Variants in TAFA5 observed in about 807,000 individuals in gnomAD.
The protein encoded by TAFA5 is TAFA chemokine like family member 5.
Under a neutral mutation model 15.3 loss-of-function variants are expected in TAFA5, and 6 were observed. The ratio of observed to expected loss-of-function variants is 0.39; its 90% CI spans 0.21 to 0.77. The LOEUF (loss-of-function observed/expected upper bound fraction) is 0.77, where lower values mean the gene tolerates loss of function less well. Ranked by LOEUF, TAFA5 falls within the 30% of genes least tolerant of loss-of-function variation. The pLI is 0.41. For synonymous variants in TAFA5, 103 were observed against 80.7 expected (o/e 1.28, Z -1.48); for missense variants, 161 against 193.1 (o/e 0.83, Z 0.98).
intron 3 of TAFA5, among the ~76,000 whole-genome samples, chr22:48,744,262 G>A (rs148959378): frequency 4.1e-4 from 62 of 152,324 alleles, no homozygotes; most frequent in African/African-American, 1.3e-3. Flanking sequence ...CCTGTGCGTT[G>A]AGCATCGCTC....
intron 1 of TAFA5, among the ~76,000 whole-genome samples, chr22:48,625,922 G>A (rs1294423595): frequency 6.6e-6 from 1 of 152,146 alleles, no homozygotes; most frequent in Non-Finnish European, 1.5e-5. Flanking sequence ...CTTTTCCAGA[G>A]TGTCATGGAG....
intron 3 of TAFA5, among the ~76,000 whole-genome samples, chr22:48,713,898 C>T (rs899171830): frequency 8.5e-5 from 13 of 152,238 alleles, no homozygotes; most frequent in African/African-American, 3.1e-4. Flanking sequence ...CATGTGTCAA[C>T]GTGGCCCCAC....
intron 1 of TAFA5, among the ~76,000 whole-genome samples, chr22:48,567,366 A>C (rs1025695371): frequency 6.6e-6 from 1 of 152,244 alleles, no homozygotes; most frequent in Non-Finnish European, 1.5e-5. Context: ...CTTTCCTCCC[A>C]GCCTTATTAG....
chr22:48,629,194 C>T, intron 1 of TAFA5, among the ~76,000 whole-genome samples: 1 of 152,178 alleles, frequency 6.6e-6, no homozygotes, highest in Non-Finnish European at 1.5e-5. Context: ...CTGGGGTTCT[C>T]TGCTTCAGCC....
intron 1 of TAFA5, among the ~76,000 whole-genome samples, chr22:48,494,261 C>T (rs1928249447): frequency 6.6e-6 from 1 of 152,154 alleles, no homozygotes; most frequent in Admixed American, 6.5e-5. Context: ...CATTAAAATC[C>T]CCATTTCTTT....
At chr22:48,604,820 C>T (rs1009837754) in intron 1 of TAFA5, among the ~76,000 whole-genome samples, 1 of 152,138 alleles carries the variant, frequency 6.6e-6, no homozygotes, top group Non-Finnish European at 1.5e-5. Context: ...GAGAGGTATG[C>T]TTCTTAGCAG....
chr22:48,542,777 G>T (rs1218157993), intron 1 of TAFA5, among the ~76,000 whole-genome samples: 1 of 147,168 alleles, frequency 6.8e-6, no homozygotes, highest in African/African-American at 2.5e-5. Flanking sequence ...ATGATGTGTG[G>T]TGTATGTCAT....
In TAFA5 at chr22:48,679,042, C is replaced by CCTGT. The variant is rs1928080270; in HGVS notation, c.263-28674_263-28673insTGTC. Among the ~76,000 whole-genome samples, 5 of 144,940 alleles carry CCTGT rather than the reference C, an allele frequency of 3.4e-5. 1 individual carries two copies. Among genetic ancestry groups the CCTGT allele is most frequent in the Admixed American group, 3.4e-4 (5 of 14,626 alleles). Reference sequence around the variant, plus strand: ...TCCGCGTCCATCCCTCTCCTGGCTCCCCAGCTCCCCCTCCATCCCTCTCCC... The same window carrying CCTGT: ...TCCGCGTCCATCCCTCTCCTGGCTCCCTGTCCAGCTCCCCCTCCATCCCTCTCCC... On this transcript the variant is annotated intron_variant, in intron 2 of 3. Coordinates refer to ENST00000402357, the MANE Select transcript of TAFA5 (RefSeq NM_001082967.3).
intron 2 of TAFA5, among the ~76,000 whole-genome samples, chr22:48,690,426 T>G (rs992339006): frequency 9.2e-5 from 14 of 152,172 alleles, no homozygotes; most frequent in Admixed American, 8.5e-4. Context: ...AGGGCCTGTG[T>G]GCCCAGTGTG....
chr22:48,626,977 G>T (rs1213559071), intron 1 of TAFA5, among the ~76,000 whole-genome samples: 2 of 152,160 alleles, frequency 1.3e-5, no homozygotes, highest in African/African-American at 4.8e-5. Flanking sequence ...CGGTCTTGTG[G>T]GTTTGTGTGG....
At chr22:48,595,004 G>A (rs539412403) in intron 1 of TAFA5, among the ~76,000 whole-genome samples, 6 of 152,148 alleles carry the variant, frequency 3.9e-5, no homozygotes, top group South Asian at 2.1e-4. Flanking sequence ...CTGTCCACAC[G>A]GGGCACATAG....
chr22:48,697,366 G>A (rs1928745279), intron 2 of TAFA5, among the ~76,000 whole-genome samples: 1 of 81,316 alleles, frequency 1.2e-5, no homozygotes, highest in East Asian at 2.5e-4. Flanking sequence ...TGATAATGAT[G>A]ACGATGATGA....
chr22:48,605,282 A>G (rs1325682968), intron 1 of TAFA5, among the ~76,000 whole-genome samples: 3 of 8,978 alleles, frequency 3.3e-4, no homozygotes, highest in South Asian at 4.8e-3. Flanking sequence ...GATGGTGATG[A>G]TGTTGTTAAT....
intron 2 of TAFA5, among the ~76,000 whole-genome samples, chr22:48,699,967 C>G (rs1928851797): frequency 6.6e-6 from 1 of 152,156 alleles, no homozygotes; most frequent in African/African-American, 2.4e-5. Context: ...TTGGAATTTA[C>G]ACGGGGTATT....
chr22:48,583,170 CCA>C (rs759399014), intron 1 of TAFA5, among the ~76,000 whole-genome samples: 2 of 148,624 alleles, frequency 1.3e-5, no homozygotes, highest in African/African-American at 5.0e-5. Context: ...ATACCACACA[CCA>C]CACACACAGT....
Position 48,516,024 on chromosome 22 carries a change from C to T in TAFA5, c.112+26320C>T, listed in dbSNP as rs575652645. On this transcript the variant is annotated intron_variant, in intron 1 of 3. Transcript: ENST00000402357. ...CTCACTCCCTGTGCGCCGCCTTCAC[C>T]GCCGCTCAGCACCCGCCGGCCTTGA... Among the ~76,000 whole-genome samples, 17 of 152,190 alleles carry T rather than the reference C, an allele frequency of 1.1e-4. No homozygotes were observed. The South Asian group carries it at 2.7e-3, about 24-fold the overall frequency.
chr22:48,612,316 G>C (rs1296879852), intron 1 of TAFA5, among the ~76,000 whole-genome samples: 1 of 152,236 alleles, frequency 6.6e-6, no homozygotes, highest in African/African-American at 2.4e-5. Context: ...GTGTAATCAA[G>C]GCGAGCCTGT....
Position 48,500,527 on chromosome 22 carries a change from G to T in TAFA5, c.112+10823G>T, listed in dbSNP as rs553103158. On this transcript the variant is annotated intron_variant, in intron 1 of 3. Transcript: ENST00000402357. Reference sequence around the variant, plus strand: ...CGTGCCGGCCTCCTTGGGTAGAGCAGCCCCGATGCTGCTGAGGAGGAAGGG... The same window carrying T: ...CGTGCCGGCCTCCTTGGGTAGAGCATCCCCGATGCTGCTGAGGAGGAAGGG... 2.8e-3 allele frequency among the ~76,000 whole-genome samples: 432 copies of T among 152,374 alleles called. 1 individual carries two copies. The highest frequency in any genetic ancestry group is 4.9e-3 in the Non-Finnish European group (335 of 68,040).
chr22:48,541,619 G>A (rs561700064), intron 1 of TAFA5, among the ~76,000 whole-genome samples: 1 of 152,302 alleles, frequency 6.6e-6, no homozygotes, highest in East Asian at 1.9e-4. Context: ...TGTCGGTGTT[G>A]GGAGGGTGGA....
Sources: allele counts gnomAD v4.1 joint callset (sites outside exome capture counted in the v4.1 genomes callset), GRCh38; gene constraint gnomAD v4.1.1; transcripts MANE v1.5; gene names NCBI Gene and HGNC (gene_info 2026-07-23, HGNC 2026-07-21).